The following COL19A1 variants were observed in gnomAD, a reference collection of about 807,000 sequenced individuals.
COL19A1 encodes collagen type XIX alpha 1 chain.
A neutral mutation model predicts 190.2 loss-of-function variants in COL19A1; 159 were observed. The ratio of observed to expected loss-of-function variants is 0.84; its 90% CI spans 0.73 to 0.95. COL19A1 has a LOEUF of 0.95. COL19A1 is among the 40% of genes least tolerant of loss of function. The pLI is 0.00. For missense variants in COL19A1, 1,418 were observed against 1,431.9 expected, an observed-to-expected ratio of 0.99 and a Z score of 0.16; for synonymous variants, 509 against 458.9, an observed-to-expected ratio of 1.11 and a Z score of -1.39.
At chr6:69,993,507 T>G (rs1156602796) in intron 11 of COL19A1, among the ~76,000 whole-genome samples, 1 of 152,052 alleles carries the variant, frequency 6.6e-6, no homozygotes, top group Non-Finnish European at 1.5e-5. Flanking sequence ...CACCTTAGTT[T>G]TTTGAAGTAG....
chr6:70,158,605 A>G (rs974180565), intron 34 of COL19A1, among the ~76,000 whole-genome samples: 35 of 152,136 alleles, frequency 2.3e-4, no homozygotes, highest in Non-Finnish European at 4.3e-4. Flanking sequence ...AATAGAACAC[A>G]TGCTAACCTT....
chr6:70,109,727 C>T (rs1034608192), intron 16 of COL19A1, among the ~76,000 whole-genome samples: 1 of 152,024 alleles, frequency 6.6e-6, no homozygotes, highest in African/African-American at 2.4e-5. Context: ...TGAAAGAAAA[C>T]AAAATTGACA....
chr6:69,967,733 G>C (rs1775197771), intron 11 of COL19A1, among the ~76,000 whole-genome samples: 1 of 151,964 alleles, frequency 6.6e-6, no homozygotes, highest in African/African-American at 2.4e-5. Context: ...TTAGAAAACT[G>C]TGTTTAAATA....
intron 2 of COL19A1, among the ~76,000 whole-genome samples, chr6:69,884,318 C>T (rs992048202): frequency 3.4e-5 from 5 of 146,618 alleles, no homozygotes; most frequent in East Asian, 2.0e-4. Context: ...CCAGCCTGGG[C>T]GACAGAGCAA....
intron 49 of COL19A1, among the ~76,000 whole-genome samples, 193 bp from the exon 50 acceptor site, chr6:70,206,708 T>C (rs769810112): frequency 2.6e-5 from 4 of 151,980 alleles, no homozygotes; most frequent in Non-Finnish European, 4.4e-5. Context: ...AAGATCCTCA[T>C]TGCCCTATTA....
chr6:70,168,517 C>T lies in COL19A1; in HGVS notation c.2542-138C>T, dbSNP rs1002544632. ...TCAAGTTATATTTATTCATCTTATT[C>T]TTCAAATTCAAACTGTAATTAAAGC... is the stretch of plus-strand genomic sequence containing the variant. On this transcript the variant is annotated intron_variant, in intron 39 of 50. Coordinates refer to ENST00000620364, the MANE Select transcript of COL19A1 (RefSeq NM_001858.6). 44 of 714,834 alleles carry T rather than the reference C, an allele frequency of 6.2e-5. No individual in the cohort carries two copies. In the African/African-American group the frequency reaches 6.9e-4, roughly 11 times the overall value. 44.3% of individuals were successfully genotyped at this position (714,834 alleles called of 1,614,324 possible). A position where few individuals can be genotyped will look rare whatever the true frequency, so the allele number is the denominator to read the frequency against.
intron 15 of COL19A1, among the ~76,000 whole-genome samples, chr6:70,086,088 C>G (rs900335913): frequency 6.6e-6 from 1 of 152,084 alleles, no homozygotes; most frequent in Non-Finnish European, 1.5e-5. Flanking sequence ...ACACTAGACC[C>G]CAGTATACAC....
At position 70,003,782 on chromosome 6, in the gene COL19A1, G is replaced by T. The variant is rs773325855; in HGVS notation, c.1027-19845G>T. ...CTTTGTGTATCTTTGCATGTGAGAT[G>T]GGTCTCCTGAATACAGCACAGCAAT... is the stretch of plus-strand genomic sequence containing the variant. On this transcript the variant is annotated intron_variant, in intron 11 of 50. Coordinates refer to ENST00000620364, the MANE Select transcript of COL19A1 (RefSeq NM_001858.6). Among the ~76,000 whole-genome samples, 13 of 152,102 alleles carry T rather than the reference G, an allele frequency of 8.5e-5. 1 individual carries two copies. The highest frequency in any genetic ancestry group is 1.2e-4 in the African/African-American group (5 of 41,412).
intron 14 of COL19A1, among the ~76,000 whole-genome samples, chr6:70,057,108 G>T (rs1780549391): frequency 6.6e-6 from 1 of 152,128 alleles, no homozygotes; most frequent in Non-Finnish European, 1.5e-5. Flanking sequence ...AACCACATAT[G>T]TATAGATTGT....
chr6:70,139,676 T>C (rs1786114841), intron 19 of COL19A1, among the ~76,000 whole-genome samples: 1 of 152,060 alleles, frequency 6.6e-6, no homozygotes, highest in Admixed American at 6.6e-5. Flanking sequence ...CAAAGGTAAA[T>C]TCTGAACCAC....
chr6:70,098,526 C>G, intron 15 of COL19A1: 1 of 459,868 alleles, frequency 2.2e-6, no homozygotes, highest in Middle Eastern at 8.2e-4. Flanking sequence ...CATCTTTAAG[C>G]CTTGGCACTT....
intron 35 of COL19A1, 64 bp from the exon 36 acceptor site, chr6:70,163,279 C>A: frequency 6.8e-7 from 1 of 1,473,856 alleles, no homozygotes; most frequent in Non-Finnish European, 9.4e-7. Context: ...TAGTAACCAA[C>A]TTCCAATACC....
At chr6:69,883,424 G>C (rs1768698410) in intron 2 of COL19A1, among the ~76,000 whole-genome samples, 1 of 152,204 alleles carries the variant, frequency 6.6e-6, no homozygotes, top group African/African-American at 2.4e-5. Context: ...GCAGGCTTCT[G>C]AATGTATGCC....
intron 11 of COL19A1, among the ~76,000 whole-genome samples, chr6:70,001,254 C>G (rs1777246412): frequency 6.6e-6 from 1 of 152,166 alleles, no homozygotes; most frequent in African/African-American, 2.4e-5. Flanking sequence ...CAGTATCATG[C>G]TGTTTTGGTT....
intron 2 of COL19A1, among the ~76,000 whole-genome samples, chr6:69,896,334 G>A (rs1199023399): frequency 1.3e-5 from 2 of 151,468 alleles, no homozygotes; most frequent in South Asian, 2.1e-4. Flanking sequence ...TCAGGAGATC[G>A]AGACCATCCT....
rs531785523 is a variant in COL19A1 at position 70,194,237 on chromosome 6, A to G, written c.3094+3856A>G. 7.9e-5 allele frequency among the ~76,000 whole-genome samples: 12 copies of G among 152,304 alleles called. No homozygotes were observed. In the South Asian group the frequency reaches 2.5e-3, roughly 32 times the overall value. ...CTTTATCATCCCAAGTGTCCAGATT[A>G]CACCCTCTAGTGAAACCCTAGACCA... On this transcript the variant is annotated intron_variant, in intron 48 of 50. Transcript: ENST00000620364.
chr6:69,960,916 C>G (rs1166367940), intron 10 of COL19A1, among the ~76,000 whole-genome samples: 2 of 152,134 alleles, frequency 1.3e-5, no homozygotes, highest in Non-Finnish European at 2.9e-5. Flanking sequence ...CAGGCGTGAG[C>G]CACCACACCC....
chr6:70,098,319 A>T (rs907874693), intron 15 of COL19A1: 1 of 429,972 alleles, frequency 2.3e-6, no homozygotes, highest in Non-Finnish European at 4.7e-6. Context: ...AATTCACCCT[A>T]CCAAAAATCT....
intron 11 of COL19A1, among the ~76,000 whole-genome samples, chr6:69,992,944 A>G (rs952304266): frequency 6.6e-6 from 1 of 151,856 alleles, no homozygotes; most frequent in African/African-American, 2.4e-5. Flanking sequence ...GATGTATTTT[A>G]TTTCTTTCTC....
Sources: gnomAD v4.1 joint callset for allele counts (sites outside exome capture counted in the v4.1 genomes callset) on GRCh38, gnomAD v4.1.1 for gene constraint, MANE v1.5 for transcripts, NCBI Gene and HGNC (gene_info 2026-07-23, HGNC 2026-07-21) for gene names.